Variants in FAM107B observed in about 807,000 individuals in gnomAD.
FAM107B encodes family with sequence similarity 107 member B.
FAM107B carries 21 observed loss-of-function variants against 31.5 expected under a neutral mutation model. The observed-to-expected ratio is 0.67, with a 90% CI of 0.47 to 0.96. The LOEUF (loss-of-function observed/expected upper bound fraction) is 0.96, where lower values mean the gene tolerates loss of function less well. Ranked by LOEUF, FAM107B falls within the 40% of genes least tolerant of loss-of-function variation. The pLI, the probability that FAM107B is intolerant of heterozygous loss-of-function variation, is 0.00. For synonymous variants in FAM107B, 157 were observed against 141.5 expected (o/e 1.11, Z -0.78); for missense variants, 452 against 377.1 (o/e 1.20, Z -1.64).
At chr10:14,677,838 G>C (rs1348783356) in intron 1 of FAM107B, among the ~76,000 whole-genome samples, 1 of 152,152 alleles carries the variant, frequency 6.6e-6, no homozygotes, top group Admixed American at 6.5e-5. Flanking sequence ...TCTGGTGTCT[G>C]TAATTTCAAC....
chr10:14,701,894 G>C (rs1321131465), intron 1 of FAM107B, among the ~76,000 whole-genome samples: 2 of 152,184 alleles, frequency 1.3e-5, no homozygotes, highest in South Asian at 2.1e-4. Context: ...TCAGTACACT[G>C]AAATTTACTC....
intron 1 of FAM107B, among the ~76,000 whole-genome samples, chr10:14,745,232 A>T (rs1832701018): frequency 6.7e-6 from 1 of 149,258 alleles, no homozygotes; most frequent in Admixed American, 6.7e-5. Context: ...CTATTTCATT[A>T]TTTTTTTTCA....
At chr10:14,572,601 G>C (rs1046323949) in intron 2 of FAM107B, among the ~76,000 whole-genome samples, 1 of 151,210 alleles carries the variant, frequency 6.6e-6, no homozygotes, top group Non-Finnish European at 1.5e-5. Flanking sequence ...GTGTGCACCC[G>C]TGGTCCTAGC....
intron 2 of FAM107B, among the ~76,000 whole-genome samples, chr10:14,553,749 G>A (rs2131095289): frequency 6.6e-6 from 1 of 152,282 alleles, no homozygotes; most frequent in Non-Finnish European, 1.5e-5. Flanking sequence ...TAGTTCAGCA[G>A]CAAAAACAAC....
chr10:14,548,163 T>A (rs546472274), intron 2 of FAM107B, among the ~76,000 whole-genome samples: 2 of 152,218 alleles, frequency 1.3e-5, no homozygotes, highest in Non-Finnish European at 1.5e-5. Context: ...CCAGTTACTA[T>A]GTCTCCTACG....
At chr10:14,663,256 A>G (rs1187519266) in intron 2 of FAM107B, 1 of 152,184 alleles carries the variant, frequency 6.6e-6, no homozygotes, top group Non-Finnish European at 1.5e-5. Context: ...TCACCTTGTG[A>G]TCATGTGAGT....
At chr10:14,648,330 G>A (rs1008913084) in intron 2 of FAM107B, among the ~76,000 whole-genome samples, 2 of 152,182 alleles carry the variant, frequency 1.3e-5, no homozygotes, top group African/African-American at 4.8e-5. Context: ...TTGCTGACAG[G>A]CAGCATGAAC....
intron 2 of FAM107B, among the ~76,000 whole-genome samples, chr10:14,533,007 A>T (rs1408968907): frequency 1.3e-5 from 2 of 151,980 alleles, no homozygotes; most frequent in Admixed American, 1.3e-4. Flanking sequence ...GCTGCAGGGG[A>T]GGGAGGGATG....
intron 1 of FAM107B, among the ~76,000 whole-genome samples, chr10:14,764,589 G>A (rs1342299313): frequency 1.3e-5 from 2 of 152,142 alleles, no homozygotes; most frequent in African/African-American, 4.8e-5. Flanking sequence ...TGGAAAAAGT[G>A]TTAACTTGAG....
In FAM107B at chr10:14,611,484, TTATATATATATATATATATATA is replaced by T. The variant is rs3035276; in HGVS notation, c.469+56128_469+56149del. On this transcript the variant is annotated intron_variant, in intron 2 of 4. Transcript: ENST00000181796. ...ATTAATAACTAGTTGAATGCCAGTT[TTATATATATATATATATATATA>T]TATATATATATATATATATATATTC... Among the ~76,000 whole-genome samples, 444 of 124,690 alleles carry T rather than the reference TTATATATATATATATATATATA, an allele frequency of 3.6e-3. 1 individual carries two copies. Among genetic ancestry groups the T allele is most frequent in the Middle Eastern group, 7.9e-3 (2 of 254 alleles). The allele number at this position is 124,690 out of a possible 152,430, so 81.8% of individuals were successfully genotyped here. A position where few individuals can be genotyped will look rare whatever the true frequency, so the allele number is the denominator to read the frequency against.
intron 2 of FAM107B, among the ~76,000 whole-genome samples, chr10:14,566,786 T>A (rs1850704455): frequency 6.6e-6 from 1 of 152,164 alleles, no homozygotes; most frequent in African/African-American, 2.4e-5. Context: ...GGGTTCTGTT[T>A]TTGTCGTAAG....
intron 1 of FAM107B, among the ~76,000 whole-genome samples, chr10:14,743,531 A>T (rs553059381): frequency 6.6e-6 from 1 of 152,260 alleles, no homozygotes; most frequent in East Asian, 1.9e-4. Context: ...ATGTTTGTAT[A>T]AGATATAAGG....
At chr10:14,558,700 G>A (rs1434732219) in intron 2 of FAM107B, among the ~76,000 whole-genome samples, 1 of 152,100 alleles carries the variant, frequency 6.6e-6, no homozygotes, top group Non-Finnish European at 1.5e-5. Flanking sequence ...GGTTGGGTGG[G>A]GAGTTGAGCA....
intron 1 of FAM107B, among the ~76,000 whole-genome samples, chr10:14,772,560 T>C (rs1028379012): frequency 6.6e-6 from 1 of 152,080 alleles, no homozygotes; most frequent in African/African-American, 2.4e-5. Flanking sequence ...AGTGTTTGCA[T>C]TGCATCACTG....
chr10:14,608,916 T>C (rs946506260), intron 2 of FAM107B, among the ~76,000 whole-genome samples: 12 of 152,148 alleles, frequency 7.9e-5, no homozygotes, highest in African/African-American at 2.9e-4. Flanking sequence ...AACTACAGAA[T>C]GGAGGGCAAA....
At chr10:14,578,140 C>T (rs752757022) in intron 2 of FAM107B, among the ~76,000 whole-genome samples, 9 of 152,100 alleles carry the variant, frequency 5.9e-5, no homozygotes, top group African/African-American at 9.7e-5. Context: ...TAACGAACTC[C>T]GCTTCCAAGC....
chr10:14,629,418 A>AT lies in FAM107B; in HGVS notation c.469+38215_469+38216insA, dbSNP rs1564606804. ...TATATATTATATATTTAATATATATAATATATATAATATATATTATATATA... is the reference window on the plus strand; with the variant it reads ...TATATATTATATATTTAATATATATATATATATATAATATATATTATATATA... On this transcript the variant is annotated intron_variant, in intron 2 of 4. Transcript: ENST00000181796. 8.6e-5 allele frequency among the ~76,000 whole-genome samples: 6 copies of AT among 69,892 alleles called. 1 individual carries two copies. Among genetic ancestry groups the AT allele is most frequent in the African/African-American group, 4.0e-4 (6 of 14,966 alleles). The allele number at this position is 69,892 out of a possible 152,430, so 45.9% of individuals were successfully genotyped here.
Position 14,530,467 on chromosome 10 carries a change from C to CTTGTAATGAGA in FAM107B, c.507_517dup (p.Arg173IlefsTer14). The CTTGTAATGAGA allele has an allele frequency of 6.2e-7, 1 of 1,614,010 alleles. No homozygotes were observed. The stretch of plus-strand genomic sequence containing the variant: ...GTAGTCTGGCTCGGCCATGATGCTT[C>CTTGTAATGAGA]TTGTAATGAGATATGAGTCCTTATG... On this transcript the variant is annotated frameshift_variant, in exon 3 of 5. Coordinates refer to ENST00000181796, the MANE Select transcript of FAM107B (RefSeq NM_031453.4). LOFTEE classifies it high-confidence loss of function.
At chr10:14,704,745 C>A (rs1855481117) in intron 1 of FAM107B, among the ~76,000 whole-genome samples, 1 of 152,028 alleles carries the variant, frequency 6.6e-6, no homozygotes, top group Admixed American at 6.6e-5. Context: ...GCAAAAGGGC[C>A]AGGTGTGGTG....
Sources: gnomAD v4.1 joint callset for allele counts (sites outside exome capture counted in the v4.1 genomes callset) on GRCh38, gnomAD v4.1.1 for gene constraint, MANE v1.5 for transcripts, NCBI Gene and HGNC (gene_info 2026-07-23, HGNC 2026-07-21) for gene names.